Variants in MAGI1 observed in about 807,000 individuals in gnomAD.
The protein encoded by MAGI1 is membrane-associated guanylate kinase, WW and PDZ domain-containing protein 1.
A neutral mutation model predicts 139.9 loss-of-function variants in MAGI1; 58 were observed. The observed-to-expected ratio is 0.41, with a 90% CI of 0.34 to 0.52. The LOEUF is 0.52. Ranked by LOEUF, MAGI1 falls within the 20% of genes least tolerant of loss-of-function variation. MAGI1 has a pLI of 0.12. For missense variants in MAGI1, 1,874 were observed against 1,901.6 expected (o/e 0.99, Z 0.27); for synonymous variants, 812 against 737.9 (o/e 1.10, Z -1.63).
chr3:65,726,766 G>A (rs1025128915), intron 1 of MAGI1, among the ~76,000 whole-genome samples: 1 of 151,960 alleles, frequency 6.6e-6, no homozygotes, highest in African/African-American at 2.4e-5. Context: ...GGCACCTAGG[G>A]ACCTCAGAAT....
rs543076356 is a variant in MAGI1, at chr3:66,003,048, G to A, written c.313+34948C>T. Among the ~76,000 whole-genome samples the A allele has an allele frequency of 2.0e-5, 3 of 152,012 alleles. No homozygotes were observed. The South Asian group carries it at 6.2e-4, about 31-fold the overall frequency. On this transcript the variant is annotated intron_variant, in intron 1 of 22. Coordinates refer to ENST00000402939, the MANE Select transcript of MAGI1 (RefSeq NM_001033057.2). Reference sequence around the variant, plus strand: ...TATTAGATCTATAGTCATGTATTTAGGCAAAACTTCCCTTTGAACTGCTTT... The same window carrying A: ...TATTAGATCTATAGTCATGTATTTAAGCAAAACTTCCCTTTGAACTGCTTT...
At chr3:65,376,090 C>G in intron 17 of MAGI1, 145 bp from the exon 18 acceptor site, 1 of 638,134 alleles carries the variant, frequency 1.6e-6, no homozygotes, top group Admixed American at 2.9e-5. Context: ...GAGCTCTGCA[C>G]CGATGGTCAA....
At chr3:65,635,348 C>T (rs1447492072) in intron 1 of MAGI1, among the ~76,000 whole-genome samples, 2 of 152,144 alleles carry the variant, frequency 1.3e-5, no homozygotes, top group Non-Finnish European at 2.9e-5. Context: ...CAGGTGTGAG[C>T]CACCATACTC....
intron 1 of MAGI1, among the ~76,000 whole-genome samples, chr3:65,782,870 C>T (rs2039049032): frequency 6.7e-6 from 1 of 148,862 alleles, no homozygotes; most frequent in African/African-American, 2.5e-5. Context: ...TTTCACAGAT[C>T]AGAAGCCTAA....
chr3:65,364,425 TGACAA>T (rs1941206430), intron 20 of MAGI1, among the ~76,000 whole-genome samples: 1 of 152,180 alleles, frequency 6.6e-6, no homozygotes, highest in Non-Finnish European at 1.5e-5. Flanking sequence ...CCGATCCTTG[TGACAA>T]TTACTGCTTT....
intron 1 of MAGI1, among the ~76,000 whole-genome samples, chr3:65,840,106 T>C (rs1269957430): frequency 6.6e-6 from 1 of 152,066 alleles, no homozygotes; most frequent in Non-Finnish European, 1.5e-5. Flanking sequence ...TAAGCTTATC[T>C]TGTATCCTGT....
chr3:65,459,490 C>G (rs530442506), intron 5 of MAGI1, among the ~76,000 whole-genome samples: 1 of 152,150 alleles, frequency 6.6e-6, no homozygotes, highest in Non-Finnish European at 1.5e-5. Context: ...TTGCTGAACT[C>G]GCTTATTATA....
chr3:65,651,119 G>C (rs1238107386), intron 1 of MAGI1, among the ~76,000 whole-genome samples: 1 of 151,936 alleles, frequency 6.6e-6, no homozygotes, highest in Non-Finnish European at 1.5e-5. Flanking sequence ...ACTTTTTTAA[G>C]GCCAGCAGAC....
At chr3:65,994,479 G>T (rs962080035) in intron 1 of MAGI1, among the ~76,000 whole-genome samples, 5 of 152,132 alleles carry the variant, frequency 3.3e-5, no homozygotes, top group African/African-American at 9.7e-5. Flanking sequence ...TCCACCCTGG[G>T]TGCTGACTAA....
At chr3:65,401,647 GGGA>G in intron 12 of MAGI1, 177 bp from the exon 13 acceptor site, 1 of 1,549,038 alleles carries the variant, frequency 6.5e-7, no homozygotes, top group Non-Finnish European at 8.7e-7. Flanking sequence ...TCAAAGCAGA[GGGA>G]GGAGGAGAGC....
intron 1 of MAGI1, among the ~76,000 whole-genome samples, chr3:65,714,373 G>T (rs558865129): frequency 6.6e-6 from 1 of 152,134 alleles, no homozygotes; most frequent in East Asian, 1.9e-4. Flanking sequence ...ATCCAGGAAA[G>T]AGCAGGCTTG....
intron 3 of MAGI1, among the ~76,000 whole-genome samples, chr3:65,490,197 T>C (rs1276399099): frequency 1.3e-5 from 2 of 152,240 alleles, no homozygotes; most frequent in African/African-American, 2.4e-5. Context: ...TTTCCAATTA[T>C]TGTCTCATTT....
At chr3:65,500,607 T>C (rs1576041785) in intron 2 of MAGI1, among the ~76,000 whole-genome samples, 1 of 152,218 alleles carries the variant, frequency 6.6e-6, no homozygotes, top group South Asian at 2.1e-4. Flanking sequence ...AAATATCCAG[T>C]TGAGGCAGAA....
chr3:65,690,676 C>T (rs1296710639), intron 1 of MAGI1, among the ~76,000 whole-genome samples: 4 of 145,292 alleles, frequency 2.8e-5, no homozygotes, highest in Admixed American at 6.9e-5. Flanking sequence ...GACAGGGTTT[C>T]ACCATGTTGC....
At chr3:65,850,856 C>A (rs1209822294) in intron 1 of MAGI1, among the ~76,000 whole-genome samples, 2 of 152,072 alleles carry the variant, frequency 1.3e-5, no homozygotes, top group Non-Finnish European at 2.9e-5. Context: ...CCTGTAATTC[C>A]AGCACTTTGG....
chr3:65,425,515 C>T (rs944563965), intron 12 of MAGI1, among the ~76,000 whole-genome samples: 1 of 152,114 alleles, frequency 6.6e-6, no homozygotes, highest in African/African-American at 2.4e-5. Context: ...TAGCTCAAAA[C>T]ATTCATCTTT....
chr3:65,696,523 T>C lies in MAGI1; in HGVS notation c.314-74435A>G, dbSNP rs533923574. On this transcript the variant is annotated intron_variant, in intron 1 of 22. Coordinates refer to ENST00000402939, the MANE Select transcript of MAGI1 (RefSeq NM_001033057.2). ...TTGTTGAATGAATAAATAAATGTAT[T>C]CCCCACTTATAATTAAAATAATTAA... Among the ~76,000 whole-genome samples the C allele has an allele frequency of 1.2e-4, 19 of 152,224 alleles. No homozygotes were observed. The South Asian group carries it at 3.5e-3, about 28-fold the overall frequency.
chr3:65,890,093 C>T (rs1349139710), intron 1 of MAGI1, among the ~76,000 whole-genome samples: 1 of 148,772 alleles, frequency 6.7e-6, no homozygotes, highest in Non-Finnish European at 1.5e-5. Flanking sequence ...CGGCCAGTCG[C>T]GGTGGCTCAC....
intron 1 of MAGI1, among the ~76,000 whole-genome samples, chr3:65,695,186 A>T (rs1401519276): frequency 6.6e-6 from 1 of 152,246 alleles, no homozygotes; most frequent in African/African-American, 2.4e-5. Flanking sequence ...AAAGAGGGTC[A>T]GAGAGAACTG....
Sources: gnomAD v4.1 joint callset for allele counts (sites outside exome capture counted in the v4.1 genomes callset) on GRCh38, gnomAD v4.1.1 for gene constraint, MANE v1.5 for transcripts, NCBI Gene and HGNC (gene_info 2026-07-23, HGNC 2026-07-21) for gene names.